The following TIMP2 variants were observed in gnomAD, a reference collection of about 807,000 sequenced individuals.
The protein encoded by TIMP2 is metalloproteinase inhibitor 2.
A neutral mutation model predicts 24.3 loss-of-function variants in TIMP2; 5 were observed. The ratio of observed to expected loss-of-function variants is 0.21; its 90% CI spans 0.11 to 0.43. The LOEUF (loss-of-function observed/expected upper bound fraction) is 0.43. Ranked by LOEUF, TIMP2 falls within the 20% of genes least tolerant of loss-of-function variation. TIMP2 has a pLI of 1.00. For missense variants in TIMP2, 221 were observed against 297.5 expected (o/e 0.74, Z 1.89); for synonymous variants, 130 against 123.2 (o/e 1.06, Z -0.37).
intron 1 of TIMP2, among the ~76,000 whole-genome samples, chr17:78,907,836 T>C (rs2070174898): frequency 6.6e-6 from 1 of 152,164 alleles, no homozygotes; most frequent in Admixed American, 6.5e-5. Context: ...TGTCCCCTCA[T>C]GTGTCCAAAC....
At chr17:78,893,136 T>G (rs1290462742) in intron 1 of TIMP2, among the ~76,000 whole-genome samples, 1 of 147,892 alleles carries the variant, frequency 6.8e-6, no homozygotes, top group Non-Finnish European at 1.5e-5. Context: ...TGCAGGGGTG[T>G]GTGTGCGTAC....
chr17:78,856,314 C>T (rs570268228), intron 4 of TIMP2: 32 of 175,332 alleles, frequency 1.8e-4, no homozygotes, highest in African/African-American at 6.8e-4. Context: ...CCTTCACCAC[C>T]GTGGAAAGAA....
At chr17:78,877,752 G>A (rs2069741051) in intron 1 of TIMP2, among the ~76,000 whole-genome samples, 1 of 149,146 alleles carries the variant, frequency 6.7e-6, no homozygotes, top group Non-Finnish European at 1.5e-5. Flanking sequence ...CATCCAGGCT[G>A]GAGTGCAATG....
intron 3 of TIMP2, among the ~76,000 whole-genome samples, chr17:78,859,635 C>G (rs966815467): frequency 4.6e-5 from 7 of 151,534 alleles, no homozygotes; most frequent in Admixed American, 1.3e-4. Flanking sequence ...GCACTCCAGC[C>G]TGGGCGACAG....
At chr17:78,892,583 T>A in intron 1 of TIMP2, 1 of 1,420,210 alleles carries the variant, frequency 7.0e-7, no homozygotes, top group East Asian at 2.5e-5. Context: ...CCCTCCAAGC[T>A]CTCTTGACCC....
intron 1 of TIMP2, among the ~76,000 whole-genome samples, chr17:78,880,451 C>T (rs2069769389): frequency 6.6e-6 from 1 of 152,082 alleles, no homozygotes; most frequent in South Asian, 2.1e-4. Flanking sequence ...ACTTGGGAGG[C>T]CAAGGTGGAT....
At chr17:78,862,456 CT>C (rs1458435077) in intron 3 of TIMP2, among the ~76,000 whole-genome samples, 1 of 152,220 alleles carries the variant, frequency 6.6e-6, no homozygotes, top group Non-Finnish European at 1.5e-5. Context: ...CCATTAACAG[CT>C]TCACCCCTGC....
chr17:78,880,869 G>A (rs935315164), intron 1 of TIMP2, among the ~76,000 whole-genome samples: 1 of 152,220 alleles, frequency 6.6e-6, no homozygotes, highest in African/African-American at 2.4e-5. Flanking sequence ...CGGGCTCCCA[G>A]GCCCAAGTTT....
intron 1 of TIMP2, among the ~76,000 whole-genome samples, chr17:78,909,247 C>T (rs983237752): frequency 6.6e-6 from 1 of 151,912 alleles, no homozygotes; most frequent in African/African-American, 2.4e-5. Flanking sequence ...CCCAGCTACT[C>T]GGGAGGCTGA....
At chr17:78,865,831 G>A (rs1048691604) in intron 3 of TIMP2, among the ~76,000 whole-genome samples, 1 of 152,116 alleles carries the variant, frequency 6.6e-6, no homozygotes, top group Non-Finnish European at 1.5e-5. Flanking sequence ...CAGCATGGGC[G>A]AGGATTCAGC....
chr17:78,856,017 C>G (rs956521705), intron 4 of TIMP2, 153 bp from the exon 5 acceptor site: 5 of 733,990 alleles, frequency 6.8e-6, no homozygotes, highest in Non-Finnish European at 1.1e-5. Context: ...CCTGCAGGGG[C>G]AGGCAGCTGG....
intron 1 of TIMP2, among the ~76,000 whole-genome samples, chr17:78,917,708 G>A (rs79061201): frequency 0.023 from 3,568 of 152,100 alleles, 146 homozygotes; most frequent in African/African-American, 0.079. Context: ...AACCTCCCAG[G>A]TCTTTGGAGC....
chr17:78,896,430 C>A lies in TIMP2; in HGVS notation c.131-22511G>T, dbSNP rs2070000809. On this transcript the variant is annotated intron_variant, in intron 1 of 4. Coordinates refer to ENST00000262768, the MANE Select transcript of TIMP2 (RefSeq NM_003255.5). The surrounding 1 kb of genome is among the most constrained non-coding windows in gnomAD (Gnocchi z 4.4). ...TCGGGTGCCCTTGGCAGGACACTTG[C>A]CAATGAAGACAGCCATGGTTCCAAT... 6.6e-6 allele frequency among the ~76,000 whole-genome samples: 1 copy of A among 152,180 alleles called. No individual in the cohort carries two copies. Among genetic ancestry groups the A allele is most frequent in the Admixed American group, 6.5e-5 (1 of 15,286 alleles).
At chr17:78,908,232 G>T (rs1186796924) in intron 1 of TIMP2, among the ~76,000 whole-genome samples, 1 of 152,214 alleles carries the variant, frequency 6.6e-6, no homozygotes, top group Non-Finnish European at 1.5e-5. Context: ...TGTATATATA[G>T]GTGTTTCTAA....
At chr17:78,862,984 T>C (rs1046145033) in intron 3 of TIMP2, among the ~76,000 whole-genome samples, 3 of 152,250 alleles carry the variant, frequency 2.0e-5, no homozygotes, top group Non-Finnish European at 4.4e-5. Flanking sequence ...GGGTTGATTC[T>C]GTGTCTTTGC....
intron 1 of TIMP2, among the ~76,000 whole-genome samples, chr17:78,889,896 G>A (rs2069863356): frequency 6.6e-6 from 1 of 152,202 alleles, no homozygotes; most frequent in Non-Finnish European, 1.5e-5. Flanking sequence ...AAGGCAGGCG[G>A]ATCACGAGAT....
intron 1 of TIMP2, among the ~76,000 whole-genome samples, chr17:78,912,218 A>G (rs1055876614): frequency 5.3e-5 from 8 of 152,156 alleles, no homozygotes; most frequent in African/African-American, 1.7e-4. Context: ...AATACTTTTC[A>G]TGTCGCCTCT....
In TIMP2 at chr17:78,891,735, CG is replaced by C; in HGVS notation, c.131-17817del. 1 of 1,551,254 alleles carries C rather than the reference CG, an allele frequency of 6.4e-7. No individual in the cohort carries two copies. The highest frequency in any genetic ancestry group is 8.7e-7 in the Non-Finnish European group (1 of 1,147,146). ...AGCCCGATTTCTCCCACAGCAGCCACGAGTGGGTTTGACCTTTCTAGGTCCG... is the reference window on the plus strand; with the variant it reads ...AGCCCGATTTCTCCCACAGCAGCCACAGTGGGTTTGACCTTTCTAGGTCCG... On this transcript the variant is annotated intron_variant, in intron 1 of 4. Coordinates refer to ENST00000262768, the MANE Select transcript of TIMP2 (RefSeq NM_003255.5). This position sits in a 1 kb window ranked among gnomAD's most constrained non-coding sequence, Gnocchi z 4.5.
At chr17:78,921,397 G>C (rs2070307623) in intron 1 of TIMP2, among the ~76,000 whole-genome samples, 1 of 152,206 alleles carries the variant, frequency 6.6e-6, no homozygotes, top group Non-Finnish European at 1.5e-5. Flanking sequence ...GATAATGTGT[G>C]GCCTTAGGTA....
Sources: gnomAD v4.1 joint callset for allele counts (sites outside exome capture counted in the v4.1 genomes callset) on GRCh38, gnomAD v4.1.1 for gene constraint, Gnocchi (gnomAD v3.1) non-coding constraint, MANE v1.5 for transcripts, NCBI Gene and HGNC (gene_info 2026-07-23, HGNC 2026-07-21) for gene names.